Variants in MTUS1 observed in about 807,000 individuals in gnomAD.
MTUS1 encodes microtubule associated scaffold protein 1.
A neutral mutation model predicts 120.8 loss-of-function variants in MTUS1; 109 were observed. The ratio of observed to expected loss-of-function variants is 0.90; its 90% CI spans 0.77 to 1.06. The LOEUF is 1.06. Ranked by LOEUF, MTUS1 falls within the 50% of genes least tolerant of loss-of-function variation. MTUS1 has a pLI of 0.00. For synonymous variants in MTUS1, 737 were observed against 550.5 expected, an observed-to-expected ratio of 1.34 and a Z score of -4.74; for missense variants, 2,210 against 1,486.3, an observed-to-expected ratio of 1.49 and a Z score of -8.01.
At chr8:17,794,706 G>A (rs1174715892) in intron 1 of MTUS1, among the ~76,000 whole-genome samples, 1 of 152,196 alleles carries the variant, frequency 6.6e-6, no homozygotes, top group African/African-American at 2.4e-5. Context: ...ATGATTAACA[G>A]TATAGCAGTT....
At chr8:17,678,596 T>A (rs1813601913) in intron 7 of MTUS1, among the ~76,000 whole-genome samples, 1 of 152,132 alleles carries the variant, frequency 6.6e-6, no homozygotes, top group Non-Finnish European at 1.5e-5. Flanking sequence ...ATCAGATGGC[T>A]CAGACGTGTG....
intron 1 of MTUS1, among the ~76,000 whole-genome samples, chr8:17,773,261 G>A (rs765194386): frequency 9.2e-5 from 14 of 152,104 alleles, no homozygotes; most frequent in African/African-American, 1.7e-4. Context: ...ATTTTGCAAC[G>A]TCTCAGATCA....
chr8:17,646,304 C>T (rs943334443), intron 14 of MTUS1, among the ~76,000 whole-genome samples, 165 bp from the exon 15 acceptor site: 30 of 152,218 alleles, frequency 2.0e-4, no homozygotes, highest in Middle Eastern at 3.4e-3. Context: ...AACCCAAACA[C>T]AGGCCGGGCG....
intron 1 of MTUS1, among the ~76,000 whole-genome samples, chr8:17,799,132 A>C (rs1049498628): frequency 1.4e-4 from 21 of 152,192 alleles, no homozygotes; most frequent in African/African-American, 5.1e-4. Flanking sequence ...TTTGGAAAGC[A>C]AATGGTCAAT....
chr8:17,754,468 G>T lies in MTUS1; in HGVS notation c.1340C>A (p.Ala447Glu). ...CTCCACTTTCTTACATTTCTCCGTC[G>T]CTTCAATCGGTGAAACAGAAAAGGT... ...KVTFSVSPIE[A>E]TEKCKKVEKG... The change falls in exon 2 of 15, where the codon GCG becomes GAG. Residue 447 changes from alanine to glutamate, a missense_variant. Coordinates refer to ENST00000693296, the MANE Select transcript of MTUS1 (RefSeq NM_001363059.2). 1.2e-6 allele frequency: 2 copies of T among 1,614,064 alleles called. No homozygotes were observed. Among genetic ancestry groups the T allele is most frequent in the East Asian group, 2.2e-5 (1 of 44,876 alleles).
chr8:17,713,769 A>T (rs1821790239), intron 5 of MTUS1, among the ~76,000 whole-genome samples: 1 of 152,208 alleles, frequency 6.6e-6, no homozygotes, highest in Non-Finnish European at 1.5e-5. Flanking sequence ...AAAGAAATCT[A>T]TGATGCTTCT....
intron 8 of MTUS1, among the ~76,000 whole-genome samples, chr8:17,659,227 G>A (rs1001675843): frequency 6.6e-6 from 1 of 152,138 alleles, no homozygotes; most frequent in Admixed American, 6.6e-5. Flanking sequence ...TTGTGCTGGG[G>A]CTGGCAAGGC....
At chr8:17,745,231 G>A (rs1563308972) in intron 2 of MTUS1, among the ~76,000 whole-genome samples, 1 of 152,160 alleles carries the variant, frequency 6.6e-6, no homozygotes, top group Non-Finnish European at 1.5e-5. Flanking sequence ...TATCAAAAAT[G>A]ATTAGTTCCA....
chr8:17,710,018 AC>A (rs995207299), intron 6 of MTUS1, among the ~76,000 whole-genome samples: 6 of 147,508 alleles, frequency 4.1e-5, no homozygotes, highest in African/African-American at 1.5e-4. Flanking sequence ...AAAAAAAAAA[AC>A]ACCTTAATTT....
intron 6 of MTUS1, among the ~76,000 whole-genome samples, chr8:17,700,241 G>A (rs894596399): frequency 6.6e-6 from 1 of 151,926 alleles, no homozygotes. Flanking sequence ...GCCAAGGCAG[G>A]TGGGATCACC....
intron 1 of MTUS1, among the ~76,000 whole-genome samples, chr8:17,788,544 G>A (rs1292141332): frequency 6.6e-6 from 1 of 152,144 alleles, no homozygotes; most frequent in Admixed American, 6.5e-5. Flanking sequence ...CAACCCAGTA[G>A]GGTACGACAG....
intron 1 of MTUS1, among the ~76,000 whole-genome samples, chr8:17,763,767 C>T (rs551654542): frequency 9.2e-5 from 14 of 152,180 alleles, no homozygotes; most frequent in Non-Finnish European, 1.3e-4. Context: ...TTCTAGCACA[C>T]AGATATTATG....
At chr8:17,757,639 G>C (rs1408627170) in intron 1 of MTUS1, among the ~76,000 whole-genome samples, 1 of 152,122 alleles carries the variant, frequency 6.6e-6, no homozygotes, top group African/African-American at 2.4e-5. Context: ...CAATCTTCCT[G>C]CCTCAGCCTC....
intron 1 of MTUS1, among the ~76,000 whole-genome samples, chr8:17,783,667 T>G (rs1368199793): frequency 6.6e-6 from 1 of 152,186 alleles, no homozygotes; most frequent in Non-Finnish European, 1.5e-5. Flanking sequence ...AAGACGGTCC[T>G]TGAGTCTGAC....
At chr8:17,770,752 C>G (rs1330817505) in intron 1 of MTUS1, among the ~76,000 whole-genome samples, 2 of 152,200 alleles carry the variant, frequency 1.3e-5, no homozygotes, top group African/African-American at 4.8e-5. Flanking sequence ...ACAGACTTTT[C>G]TGAGGCTTTA....
At chr8:17,670,690 G>C (rs1470212002) in intron 8 of MTUS1, among the ~76,000 whole-genome samples, 1 of 152,092 alleles carries the variant, frequency 6.6e-6, no homozygotes, top group Admixed American at 6.6e-5. Context: ...CAGCATGGTG[G>C]TATGCACCTA....
At chr8:17,707,404 C>T (rs1392835492) in intron 6 of MTUS1, among the ~76,000 whole-genome samples, 1 of 152,078 alleles carries the variant, frequency 6.6e-6, no homozygotes, top group Non-Finnish European at 1.5e-5. Flanking sequence ...CCAGGTTAGT[C>T]TTAAGTCATG....
At chr8:17,741,303 G>C (rs2047302627) in intron 3 of MTUS1, among the ~76,000 whole-genome samples, 1 of 152,088 alleles carries the variant, frequency 6.6e-6, no homozygotes, top group Non-Finnish European at 1.5e-5. Context: ...TTGCAGGTTG[G>C]GGCTTCAACA....
At chr8:17,762,842 C>G (rs1247149325) in intron 1 of MTUS1, among the ~76,000 whole-genome samples, 13 of 152,174 alleles carry the variant, frequency 8.5e-5, no homozygotes, top group Non-Finnish European at 1.9e-4. Context: ...TTCTGCATTT[C>G]TATCCTTCTC....
Sources: gnomAD v4.1 joint callset for allele counts (sites outside exome capture counted in the v4.1 genomes callset) on GRCh38, gnomAD v4.1.1 for gene constraint, MANE v1.5 for transcripts, NCBI Gene and HGNC (gene_info 2026-07-23, HGNC 2026-07-21) for gene names.